The following KANK4 variants were observed in gnomAD, a reference collection of about 807,000 sequenced individuals.
KANK4 encodes the protein KN motif and ankyrin repeat domain-containing protein 4.
A neutral mutation model predicts 80.8 loss-of-function variants in KANK4; 50 were observed. That is an observed-to-expected ratio of 0.62 (90% confidence interval 0.49 to 0.78). KANK4 has a LOEUF of 0.78. Ranked by LOEUF, KANK4 falls within the 30% of genes least tolerant of loss-of-function variation. KANK4 has a pLI of 0.00. For missense variants in KANK4, 1,196 were observed against 1,240.1 expected, an observed-to-expected ratio of 0.96 and a Z score of 0.53; for synonymous variants, 465 against 506.9, an observed-to-expected ratio of 0.92 and a Z score of 1.11.
intron 1 of KANK4, among the ~76,000 whole-genome samples, chr1:62,287,962 G>T (rs1672604428): frequency 6.6e-6 from 1 of 152,162 alleles, no homozygotes; most frequent in Admixed American, 6.5e-5. Flanking sequence ...GGAGCAAACT[G>T]CTTCTCTGAT....
Position 62,238,374 on chromosome 1 carries a change from C to A in KANK4, c.2891G>T (p.Arg964Leu), listed in dbSNP as rs151055866. The stretch of plus-strand genomic sequence containing the variant: ...CTTCAGAGCGATGGACAAAGCTGTG[C>A]GGCCAGCCTACAGGAGAAAAAGGAA... ...CDSSLTDKAG[R>L]TALSIALKSP... Residue 964 changes from arginine to leucine, a missense_variant, in exon 10 of 10, where the codon CGC becomes CTC. By Grantham distance (102) the Arg-to-Leu change is moderately radical. Transcript: ENST00000371153. 16 of 1,613,548 alleles carry A rather than the reference C, an allele frequency of 9.9e-6. No homozygotes were observed. Among genetic ancestry groups the A allele is most frequent in the African/African-American group, 2.7e-5 (2 of 74,892 alleles).
At chr1:62,275,127 T>C (rs1453768087) in intron 2 of KANK4, 40 bp from the exon 3 acceptor site, 2 of 1,481,010 alleles carry the variant, frequency 1.4e-6, no homozygotes, top group Non-Finnish European at 1.8e-6. Context: ...AAAGCACAAA[T>C]TTAATTAAGC....
intron 2 of KANK4, among the ~76,000 whole-genome samples, chr1:62,279,193 C>T (rs960918307): frequency 1.9e-5 from 1 of 52,718 alleles, no homozygotes; most frequent in African/African-American, 8.2e-5. Flanking sequence ...CCTAAGCTAG[C>T]GCGCGCACAC....
chr1:62,263,503 C>G, intron 6 of KANK4, 192 bp from the exon 7 acceptor site: 1 of 583,980 alleles, frequency 1.7e-6, no homozygotes, highest in East Asian at 3.1e-5. Flanking sequence ...GCGATCAGCC[C>G]CCTCTGGGAG....
intron 7 of KANK4, among the ~76,000 whole-genome samples, chr1:62,258,220 T>C (rs1008802963): frequency 1.3e-5 from 2 of 152,234 alleles, no homozygotes; most frequent in Non-Finnish European, 1.5e-5. Context: ...GGATTGTACA[T>C]GACAGTGTAT....
intron 2 of KANK4, among the ~76,000 whole-genome samples, chr1:62,276,485 T>A (rs1401785080): frequency 6.6e-6 from 1 of 152,092 alleles, no homozygotes; most frequent in African/African-American, 2.4e-5. Context: ...ATAAGATTAT[T>A]GTGAGGACGG....
intron 1 of KANK4, among the ~76,000 whole-genome samples, chr1:62,300,239 G>A (rs1374691035): frequency 6.6e-6 from 1 of 152,148 alleles, no homozygotes. Context: ...CAATAGCCCA[G>A]TAACTTGAGG....
chr1:62,294,377 C>A (rs1190069124), intron 1 of KANK4, among the ~76,000 whole-genome samples: 2 of 152,228 alleles, frequency 1.3e-5, no homozygotes, highest in African/African-American at 4.8e-5. Context: ...CACAAATACT[C>A]CACAGGGGGG....
chr1:62,308,439 T>C (rs538446242), intron 1 of KANK4, among the ~76,000 whole-genome samples: 47 of 152,190 alleles, frequency 3.1e-4, no homozygotes, highest in Admixed American at 5.2e-4. Context: ...AGAAAACTCC[T>C]GAGCAGCTGC....
chr1:62,299,481 G>C (rs143241564), intron 1 of KANK4, among the ~76,000 whole-genome samples: 15 of 152,122 alleles, frequency 9.9e-5, no homozygotes, highest in Non-Finnish European at 1.9e-4. Context: ...AGGACCGGGG[G>C]TGCAGAGGTA....
At chr1:62,308,748 A>T (rs962077980) in intron 1 of KANK4, among the ~76,000 whole-genome samples, 4 of 152,190 alleles carry the variant, frequency 2.6e-5, no homozygotes, top group African/African-American at 7.2e-5. Context: ...ACCTCTCCCC[A>T]GGGAACTCAG....
At chr1:62,307,003 G>C (rs1168019929) in intron 1 of KANK4, among the ~76,000 whole-genome samples, 1 of 152,122 alleles carries the variant, frequency 6.6e-6, no homozygotes, top group Non-Finnish European at 1.5e-5. Flanking sequence ...GGCCAAGGGT[G>C]GGTGTTTTGG....
chr1:62,315,594 C>T (rs1644532416), intron 1 of KANK4, among the ~76,000 whole-genome samples: 2 of 152,162 alleles, frequency 1.3e-5, no homozygotes, highest in East Asian at 1.9e-4. Flanking sequence ...GTTCTCAAAC[C>T]CATTGTACAG....
intron 9 of KANK4, among the ~76,000 whole-genome samples, chr1:62,244,871 G>A (rs906998205): frequency 6.6e-6 from 1 of 152,148 alleles, no homozygotes; most frequent in African/African-American, 2.4e-5. Context: ...AGCGTTTAAA[G>A]TCCATGCTTC....
intron 1 of KANK4, among the ~76,000 whole-genome samples, chr1:62,294,821 G>A (rs1191903448): frequency 6.6e-6 from 1 of 152,222 alleles, no homozygotes; most frequent in East Asian, 1.9e-4. Context: ...AGGAAGGGCA[G>A]GTATCATCAG....
intron 8 of KANK4, among the ~76,000 whole-genome samples, chr1:62,251,799 G>A (rs894073702): frequency 6.6e-6 from 1 of 152,158 alleles, no homozygotes; most frequent in Non-Finnish European, 1.5e-5. Context: ...TTCAACACCA[G>A]TCTGGCCAAC....
In KANK4 at chr1:62,240,061, CT is replaced by C. The variant is rs559869466; in HGVS notation, c.2884-1681del. ...GGGATGGGTGGGTCAAATGGTATTTCTAGTTCTAGATCCCTGAGGAATCACC... is the reference window on the plus strand; with the variant it reads ...GGGATGGGTGGGTCAAATGGTATTTCAGTTCTAGATCCCTGAGGAATCACC... On this transcript the variant is annotated intron_variant, in intron 9 of 9. Transcript: ENST00000371153. Among the ~76,000 whole-genome samples, 1,446 of 152,308 alleles carry C rather than the reference CT, an allele frequency of 9.5e-3. 11 individuals carry two copies. The highest frequency in any genetic ancestry group is 0.014 in the Non-Finnish European group (980 of 68,026).
rs1412951584 is a variant in KANK4 at position 62,273,637 on chromosome 1, G to A, written c.1467C>T (p.Ser489=). The A allele has an allele frequency of 6.2e-7, 1 of 1,614,164 alleles. No homozygotes were observed. Among genetic ancestry groups the A allele is most frequent in the South Asian group, 1.1e-5 (1 of 91,076 alleles). ...LPQGPEQVLT[S]SVHSFLSTEL... is the part of the protein sequence containing the mutation. Reference sequence around the variant, plus strand: ...CAGTGGAGAGGAAGCTATGTACAGAGGAGGTAAGGACCTGCTCGGGTCCCT... The same window carrying A: ...CAGTGGAGAGGAAGCTATGTACAGAAGAGGTAAGGACCTGCTCGGGTCCCT... The change falls in exon 3 of 10, where the codon TCC becomes TCT. Residue 489 remains serine, a synonymous_variant. Coordinates refer to ENST00000371153, the MANE Select transcript of KANK4 (RefSeq NM_181712.5).
chr1:62,266,834 C>T lies in KANK4; in HGVS notation c.2232-15G>A, dbSNP rs528947967. 8.2e-5 allele frequency: 110 copies of T among 1,342,062 alleles called. 1 individual carries two copies. In the South Asian group the frequency reaches 1.2e-3, roughly 15 times the overall value. The allele number at this position is 1,342,062 out of a possible 1,614,324, so 83.1% of individuals were successfully genotyped here. A position where few individuals can be genotyped will look rare whatever the true frequency, so the allele number is the denominator to read the frequency against. On this transcript the variant is annotated splice_polypyrimidine_tract_variant and intron_variant, in intron 5 of 9. Transcript: ENST00000371153. ...AGGGTTTATATCTAAATAAAACAAA[C>T]ATATATACACATATTTATATAATCA...
Sources: gnomAD v4.1 joint callset for allele counts (sites outside exome capture counted in the v4.1 genomes callset) on GRCh38, gnomAD v4.1.1 for gene constraint, MANE v1.5 for transcripts, NCBI Gene and HGNC (gene_info 2026-07-23, HGNC 2026-07-21) for gene names.